Variants in WAPL observed in about 807,000 individuals in gnomAD.
WAPL encodes the protein WAPL cohesin release factor, also known as wings apart-like protein homolog.
WAPL carries 5 observed loss-of-function variants against 121.0 expected under a neutral mutation model. The ratio of observed to expected loss-of-function variants is 0.04; its 90% CI spans 0.02 to 0.09. The LOEUF (loss-of-function observed/expected upper bound fraction) is 0.09. WAPL is among the 10% of genes least tolerant of loss of function. The pLI is 1.00. For missense variants in WAPL, 999 were observed against 1,410.8 expected, an observed-to-expected ratio of 0.71 and a Z score of 4.68; for synonymous variants, 480 against 481.5, an observed-to-expected ratio of 1.00 and a Z score of 0.04.
intron 16 of WAPL, 21 bp downstream of exon 16, chr10:86,446,221 C>T (rs777502673): frequency 1.9e-6 from 3 of 1,609,714 alleles, no homozygotes; most frequent in Non-Finnish European, 2.5e-6. Context: ...AATTTAAATA[C>T]ACCATTCAAA....
At chr10:86,439,884 T>C (rs1589486579) in intron 17 of WAPL, among the ~76,000 whole-genome samples, 1 of 152,352 alleles carries the variant, frequency 6.6e-6, no homozygotes, top group East Asian at 1.9e-4. Context: ...CAAGTGAAAA[T>C]GGGATCAGAC....
chr10:86,513,735 C>A (rs916739037), intron 2 of WAPL, among the ~76,000 whole-genome samples: 3 of 152,156 alleles, frequency 2.0e-5, no homozygotes, highest in Non-Finnish European at 4.4e-5. Context: ...AATGCCAGGA[C>A]AAATGACATA....
chr10:86,485,074 C>G (rs1341687953), intron 4 of WAPL, among the ~76,000 whole-genome samples: 19 of 147,680 alleles, frequency 1.3e-4, no homozygotes, highest in Admixed American at 1.3e-3. Context: ...CATCTCCCCC[C>G]ACTCACCCCC....
chr10:86,483,787 T>C (rs1411222448), intron 4 of WAPL, among the ~76,000 whole-genome samples: 2 of 123,228 alleles, frequency 1.6e-5, no homozygotes, highest in Non-Finnish European at 3.2e-5. Flanking sequence ...AAAAAAAATT[T>C]TTTTTTCTTT....
intron 17 of WAPL, among the ~76,000 whole-genome samples, chr10:86,440,877 A>G (rs1849451871): frequency 2.3e-5 from 1 of 44,172 alleles, no homozygotes. Flanking sequence ...TTAGATACAC[A>G]AAGTGAAAAA....
At chr10:86,475,522 CTAAT>C (rs942706636) in intron 4 of WAPL, among the ~76,000 whole-genome samples, 8 of 152,182 alleles carry the variant, frequency 5.3e-5, no homozygotes, top group African/African-American at 1.9e-4. Flanking sequence ...TATATTATCT[CTAAT>C]AAAGTGGAAA....
Position 86,517,674 on chromosome 10 carries a change from T to A in WAPL, c.396A>T (p.Lys132Asn). The part of the protein sequence containing the change: ...VVVEDTVVSD[K>N]CFPLEDTLLG... ...GTAAAGTGTCCTCCAAAGGGAAGCA[T>A]TTATCAGAAACGACAGTGTCTTCAA... Residue 132 changes from lysine to asparagine, a missense_variant, in exon 2 of 19, where the codon AAA becomes AAT. Around this residue, in one of 7 missense-constraint regions of WAPL, gnomAD observed 531 missense variants for 563.1 expected, o/e 0.94. Coordinates refer to ENST00000298767, the MANE Select transcript of WAPL (RefSeq NM_015045.5). 6.2e-7 allele frequency: 1 copy of A among 1,614,168 alleles called. No individual in the cohort carries two copies. The highest frequency in any genetic ancestry group is 8.5e-7 in the Non-Finnish European group (1 of 1,180,030).
intron 8 of WAPL, 142 bp downstream of exon 8, chr10:86,470,850 C>A: frequency 1.6e-6 from 1 of 619,206 alleles, no homozygotes; most frequent in South Asian, 3.1e-5. Flanking sequence ...TGGCCATAAG[C>A]ACTACAAATT....
At position 86,437,364 on chromosome 10, in the gene WAPL, C is replaced by G; in HGVS notation, c.*179G>C. On this transcript the variant is annotated 3_prime_UTR_variant, in exon 19 of 19. Transcript: ENST00000298767. ...TGATAGTTGCAGATTGATGTAGTAACTGTCATTTAGCAAATGCCGAATGCA... is the reference window on the plus strand; with the variant it reads ...TGATAGTTGCAGATTGATGTAGTAAGTGTCATTTAGCAAATGCCGAATGCA... 3.4e-6 allele frequency: 2 copies of G among 582,454 alleles called. No homozygotes were observed. Among genetic ancestry groups the G allele is most frequent in the South Asian group, 4.6e-5 (2 of 43,634 alleles). 36.1% of individuals were successfully genotyped at this position (582,454 alleles called of 1,614,324 possible). A position where few individuals can be genotyped will look rare whatever the true frequency, so the allele number is the denominator to read the frequency against.
intron 2 of WAPL, among the ~76,000 whole-genome samples, chr10:86,510,723 T>C (rs1388970719): frequency 1.3e-5 from 2 of 152,230 alleles, no homozygotes; most frequent in Non-Finnish European, 1.5e-5. Flanking sequence ...ATAATTTACA[T>C]AATGTTGAAT....
At chr10:86,450,057 T>C (rs1487252840) in intron 15 of WAPL, among the ~76,000 whole-genome samples, 1 of 152,220 alleles carries the variant, frequency 6.6e-6, no homozygotes, top group Non-Finnish European at 1.5e-5. Flanking sequence ...AATGTACTAA[T>C]GTCAATTTCT....
chr10:86,454,804 C>T (rs1227228350), intron 12 of WAPL, among the ~76,000 whole-genome samples: 1 of 151,856 alleles, frequency 6.6e-6, no homozygotes, highest in African/African-American at 2.4e-5. Flanking sequence ...CTCTGCCCGG[C>T]CGCCCATCGT....
At chr10:86,453,614 A>C (rs2132174281) in intron 13 of WAPL, 42 bp downstream of exon 13, 2 of 1,568,090 alleles carry the variant, frequency 1.3e-6, no homozygotes, top group Admixed American at 3.9e-5. Flanking sequence ...TTCACATGCA[A>C]TATACATCTT....
At chr10:86,498,884 T>G (rs1266759167) in intron 3 of WAPL, among the ~76,000 whole-genome samples, 1 of 152,222 alleles carries the variant, frequency 6.6e-6, no homozygotes, top group Non-Finnish European at 1.5e-5. Flanking sequence ...AGGGAATGCA[T>G]ACTTACCTGG....
intron 9 of WAPL, among the ~76,000 whole-genome samples, chr10:86,462,368 T>G (rs77507309): frequency 0.067 from 10,144 of 152,210 alleles, 628 homozygotes; most frequent in East Asian, 0.37. Flanking sequence ...AGTGAAAACC[T>G]TAAGACTGCA....
At chr10:86,478,228 G>A (rs932227878) in intron 4 of WAPL, among the ~76,000 whole-genome samples, 1 of 151,986 alleles carries the variant, frequency 6.6e-6, no homozygotes, top group Non-Finnish European at 1.5e-5. Context: ...CCAGGAGTTT[G>A]AGACAGCCTG....
chr10:86,446,204 T>C (rs1451508442), intron 16 of WAPL, 38 bp downstream of exon 16: 1 of 1,605,024 alleles, frequency 6.2e-7, no homozygotes, highest in Admixed American at 1.7e-5. Flanking sequence ...ATCAAACCAC[T>C]ATCTTCAATT....
chr10:86,453,262 T>C lies in WAPL; in HGVS notation c.2907A>G (p.Pro969=). ...ATCTCTGCTCCTGAGGTAGGTACTT[T>C]GGAACCTGAAGCACACAGTTCAGCG... The part of the protein sequence containing the change: ...GTALNCVLQV[P]KYLPQEQRFD... The change falls in exon 14 of 19, where the codon CCA becomes CCG. Residue 969 remains proline, a synonymous_variant. Coordinates refer to ENST00000298767, the MANE Select transcript of WAPL (RefSeq NM_015045.5). 6.2e-7 allele frequency: 1 copy of C among 1,614,160 alleles called. No individual in the cohort carries two copies. Among genetic ancestry groups the C allele is most frequent in the Non-Finnish European group, 8.5e-7 (1 of 1,180,016 alleles).
At chr10:86,447,239 T>C (rs1427435999) in intron 15 of WAPL, among the ~76,000 whole-genome samples, 4 of 152,204 alleles carry the variant, frequency 2.6e-5, no homozygotes, top group African/African-American at 4.8e-5. Flanking sequence ...TCAGTAAATA[T>C]AGACAGATAA....
Sources: gnomAD v4.1 joint callset for allele counts (sites outside exome capture counted in the v4.1 genomes callset) on GRCh38, gnomAD v4.1.1 for gene constraint, gnomAD v4.1.1 regional missense constraint, MANE v1.5 for transcripts, NCBI Gene and HGNC (gene_info 2026-07-23, HGNC 2026-07-21) for gene names.